The following OPCML variants were observed in gnomAD, a reference collection of about 807,000 sequenced individuals.
OPCML encodes opioid binding protein/cell adhesion molecule like, also known as opioid-binding protein/cell adhesion molecule.
OPCML carries 13 observed loss-of-function variants against 37.8 expected under a neutral mutation model. The observed-to-expected ratio is 0.34, with a 90% CI of 0.22 to 0.55. The LOEUF (loss-of-function observed/expected upper bound fraction) is 0.55, where lower values mean the gene tolerates loss of function less well. Among genes scored for constraint, OPCML ranks in the 20% least tolerant of loss-of-function variants. The probability of loss-of-function intolerance (pLI) is 0.91; values close to 1 mark genes in which losing one functional copy is unlikely to be tolerated. For missense variants in OPCML, 341 were observed against 435.6 expected, an observed-to-expected ratio of 0.78 and a Z score of 1.93; for synonymous variants, 176 against 168.8, an observed-to-expected ratio of 1.04 and a Z score of -0.33.
intron 1 of OPCML, among the ~76,000 whole-genome samples, chr11:133,001,128 A>G (rs901829889): frequency 3.3e-5 from 5 of 152,188 alleles, no homozygotes; most frequent in Admixed American, 2.0e-4. Context: ...ACCCAGTCTC[A>G]GTTATTCCTT....
chr11:133,220,246 G>A (rs1383443179), intron 1 of OPCML, among the ~76,000 whole-genome samples: 1 of 152,182 alleles, frequency 6.6e-6, no homozygotes, highest in Non-Finnish European at 1.5e-5. Context: ...AGGAGAGGGA[G>A]TGGCTTCCTT....
intron 1 of OPCML, among the ~76,000 whole-genome samples, chr11:133,376,240 G>A (rs1944801561): frequency 6.6e-6 from 1 of 151,876 alleles, no homozygotes; most frequent in Non-Finnish European, 1.5e-5. Context: ...AAATATTTGG[G>A]CAATTAAAAT....
intron 1 of OPCML, among the ~76,000 whole-genome samples, chr11:133,142,331 C>T (rs1271521398): frequency 6.6e-6 from 1 of 152,202 alleles, no homozygotes; most frequent in African/African-American, 2.4e-5. Flanking sequence ...CTTTATCCCA[C>T]TCTGGTCAGA....
At chr11:133,448,190 C>T (rs1324690458) in intron 1 of OPCML, among the ~76,000 whole-genome samples, 6 of 152,172 alleles carry the variant, frequency 3.9e-5, no homozygotes, top group Non-Finnish European at 7.3e-5. Context: ...AATCTACAAT[C>T]TATTTCTAAT....
chr11:133,529,756 T>C (rs750990854), intron 1 of OPCML, among the ~76,000 whole-genome samples: 4 of 151,984 alleles, frequency 2.6e-5, no homozygotes, highest in Non-Finnish European at 5.9e-5. Context: ...TTAATCCCTG[T>C]GGGAGAAAAA....
intron 3 of OPCML, among the ~76,000 whole-genome samples, chr11:132,628,991 T>C (rs1188927817): frequency 6.6e-6 from 1 of 152,140 alleles, no homozygotes; most frequent in Non-Finnish European, 1.5e-5. Context: ...GGTGTGTCTT[T>C]ATTAGCAGGA....
At chr11:133,056,936 C>T (rs547713342) in intron 1 of OPCML, among the ~76,000 whole-genome samples, 26 of 152,248 alleles carry the variant, frequency 1.7e-4, no homozygotes, top group Admixed American at 2.0e-4. Context: ...CTCCGCCTTC[C>T]GGGTTCAAGT....
chr11:132,784,634 G>A (rs888056505), intron 2 of OPCML, among the ~76,000 whole-genome samples: 56 of 152,050 alleles, frequency 3.7e-4, no homozygotes, highest in African/African-American at 1.3e-3. Flanking sequence ...AATGTTGGAC[G>A]TGGGCCTGGT....
intron 1 of OPCML, among the ~76,000 whole-genome samples, chr11:133,315,012 C>T (rs780092119): frequency 7.2e-5 from 11 of 151,886 alleles, no homozygotes; most frequent in Admixed American, 4.6e-4. Context: ...AGAGAAACCA[C>T]GTGTATTGGG....
At chr11:132,434,319 GAATGAGATTGACATCTTA>G (rs1278810494) in intron 7 of OPCML, among the ~76,000 whole-genome samples, 1 of 152,204 alleles carries the variant, frequency 6.6e-6, no homozygotes, top group Admixed American at 6.5e-5. Flanking sequence ...CTTTGCATGT[GAATGAGATTGACATCTTA>G]GAACAGTAGG....
chr11:132,485,933 T>A (rs2096198418), intron 4 of OPCML, among the ~76,000 whole-genome samples: 3 of 152,174 alleles, frequency 2.0e-5, no homozygotes, highest in African/African-American at 7.2e-5. Context: ...TGCCACAGTA[T>A]AGGTGTGTGG....
At chr11:133,317,745 T>A (rs1299927170) in intron 1 of OPCML, among the ~76,000 whole-genome samples, 2 of 152,192 alleles carry the variant, frequency 1.3e-5, no homozygotes, top group East Asian at 3.8e-4. Context: ...ACAAACAGCA[T>A]GTCAAGTAGC....
intron 2 of OPCML, among the ~76,000 whole-genome samples, chr11:132,938,311 G>A (rs1213563053): frequency 6.6e-6 from 1 of 151,026 alleles, no homozygotes; most frequent in Non-Finnish European, 1.5e-5. Flanking sequence ...GTGTGGATCT[G>A]TTAGAACAGT....
intron 1 of OPCML, among the ~76,000 whole-genome samples, chr11:133,141,033 C>A (rs138483771): frequency 0.14 from 765 of 5,328 alleles, 234 homozygotes; most frequent in African/African-American, 0.21. Context: ...ACGACGACGA[C>A]GACGACGACG....
intron 1 of OPCML, among the ~76,000 whole-genome samples, chr11:133,042,756 G>C (rs969325307): frequency 3.4e-4 from 51 of 152,082 alleles, no homozygotes; most frequent in Non-Finnish European, 6.6e-4. Flanking sequence ...GCCTTTAACG[G>C]CCAAAGTTAA....
chr11:132,575,447 C>G (rs1333820959), intron 3 of OPCML, among the ~76,000 whole-genome samples: 2 of 151,790 alleles, frequency 1.3e-5, no homozygotes, highest in Non-Finnish European at 2.9e-5. Context: ...TACCTTGGAG[C>G]TTACACAAGA....
intron 4 of OPCML, among the ~76,000 whole-genome samples, chr11:132,518,537 G>T (rs186954954): frequency 1.3e-5 from 2 of 152,258 alleles, no homozygotes; most frequent in East Asian, 3.9e-4. Context: ...CGGGACATTT[G>T]GATGTGCTGT....
In OPCML at chr11:132,832,009, C is replaced by T. The variant is rs188290709; in HGVS notation, c.146+110917G>A. 5.9e-5 allele frequency among the ~76,000 whole-genome samples: 9 copies of T among 151,836 alleles called. No homozygotes were observed. In the South Asian group the frequency reaches 8.3e-4, roughly 14 times the overall value. ...AGAAGCAGGCATGCCTCAAGTCCAT[C>T]GCACAATGCTTACCTCTCTTGTGGG... On this transcript the variant is annotated intron_variant, in intron 2 of 7. Transcript: ENST00000524381.
intron 3 of OPCML, among the ~76,000 whole-genome samples, chr11:132,616,686 A>G (rs1939047406): frequency 6.6e-6 from 1 of 152,222 alleles, no homozygotes; most frequent in African/African-American, 2.4e-5. Flanking sequence ...CATTCACCAA[A>G]TATACATTAA....
Sources: allele counts gnomAD v4.1 joint callset (sites outside exome capture counted in the v4.1 genomes callset), GRCh38; gene constraint gnomAD v4.1.1; transcripts MANE v1.5; gene names NCBI Gene and HGNC (gene_info 2026-07-23, HGNC 2026-07-21).